The following BRINP1 variants were observed in gnomAD, a reference collection of about 807,000 sequenced individuals.
BRINP1 encodes BMP/retinoic acid-inducible neural-specific protein 1.
BRINP1 carries 17 observed loss-of-function variants against 72.9 expected under a neutral mutation model. The ratio of observed to expected loss-of-function variants is 0.23; its 90% CI spans 0.16 to 0.35. BRINP1 has a LOEUF of 0.35. Ranked by LOEUF, BRINP1 falls within the 10% of genes least tolerant of loss-of-function variation. The pLI, the probability that BRINP1 is intolerant of heterozygous loss-of-function variation, is 1.00. For synonymous variants in BRINP1, 418 were observed against 378.5 expected (o/e 1.10, Z -1.21); for missense variants, 850 against 1,001.6 (o/e 0.85, Z 2.04).
At chr9:119,300,323 T>C (rs898557598) in intron 2 of BRINP1, among the ~76,000 whole-genome samples, 46 of 152,144 alleles carry the variant, frequency 3.0e-4, no homozygotes, top group African/African-American at 8.0e-4. Context: ...AAAGTGACTA[T>C]AGTAAAAAAT....
chr9:119,169,947 A>C (rs1231121665), intron 7 of BRINP1, among the ~76,000 whole-genome samples: 5 of 152,204 alleles, frequency 3.3e-5, no homozygotes, highest in Non-Finnish European at 5.9e-5. Context: ...AAACTAACAA[A>C]CAGAAAGGAC....
At chr9:119,344,819 G>A (rs757480185) in intron 1 of BRINP1, among the ~76,000 whole-genome samples, 1 of 152,164 alleles carries the variant, frequency 6.6e-6, no homozygotes, top group Non-Finnish European at 1.5e-5. Context: ...GCTCATGCCT[G>A]ATATCTTTTT....
At chr9:119,307,529 T>G (rs1225678664) in intron 2 of BRINP1, among the ~76,000 whole-genome samples, 1 of 152,136 alleles carries the variant, frequency 6.6e-6, no homozygotes, top group Non-Finnish European at 1.5e-5. Context: ...CTGATAATTT[T>G]TTTCCATCAC....
intron 2 of BRINP1, among the ~76,000 whole-genome samples, chr9:119,277,227 C>G (rs1830665921): frequency 6.6e-6 from 1 of 152,144 alleles, no homozygotes; most frequent in South Asian, 2.1e-4. Flanking sequence ...TTGAAGTTTT[C>G]TGTCTTTATT....
intron 1 of BRINP1, among the ~76,000 whole-genome samples, chr9:119,330,592 T>C (rs1291207692): frequency 6.6e-6 from 1 of 152,230 alleles, no homozygotes; most frequent in Non-Finnish European, 1.5e-5. Context: ...TTTATGTTTC[T>C]GAGACTGAAT....
At chr9:119,292,004 G>A (rs1191689580) in intron 2 of BRINP1, among the ~76,000 whole-genome samples, 5 of 152,022 alleles carry the variant, frequency 3.3e-5, no homozygotes, top group South Asian at 2.1e-4. Flanking sequence ...CTTTATTCCC[G>A]GAGTCAGAAA....
At chr9:119,365,705 GT>G (rs1197500922) in intron 1 of BRINP1, among the ~76,000 whole-genome samples, 1 of 152,148 alleles carries the variant, frequency 6.6e-6, no homozygotes, top group Non-Finnish European at 1.5e-5. Flanking sequence ...AGGGGAGGGT[GT>G]TTTTACAATT....
chr9:119,253,130 AG>A (rs1830410569), intron 2 of BRINP1, among the ~76,000 whole-genome samples: 1 of 152,170 alleles, frequency 6.6e-6, no homozygotes, highest in Admixed American at 6.5e-5. Flanking sequence ...TTTTATCCCA[AG>A]GAATTGGTCC....
chr9:119,180,933 T>C (rs1024981995), intron 7 of BRINP1, among the ~76,000 whole-genome samples: 12 of 152,144 alleles, frequency 7.9e-5, no homozygotes, highest in Admixed American at 5.9e-4. Flanking sequence ...AGAGCATCAA[T>C]GTAAAAAATC....
At chr9:119,294,851 G>GT (rs1217592727) in intron 2 of BRINP1, among the ~76,000 whole-genome samples, 1 of 69,756 alleles carries the variant, frequency 1.4e-5, no homozygotes, top group African/African-American at 4.2e-5. Context: ...GTGACACTAC[G>GT]TTAAAAAAAA....
At chr9:119,212,846 A>G (rs1829943372) in intron 6 of BRINP1, among the ~76,000 whole-genome samples, 1 of 152,204 alleles carries the variant, frequency 6.6e-6, no homozygotes. Context: ...TTCTAGCTCA[A>G]TGAAAGATAT....
At chr9:119,352,649 C>T (rs931002820) in intron 1 of BRINP1, among the ~76,000 whole-genome samples, 3 of 152,150 alleles carry the variant, frequency 2.0e-5, no homozygotes, top group Non-Finnish European at 4.4e-5. Flanking sequence ...CTCAGGTGAT[C>T]CACCCACCTT....
intron 7 of BRINP1, among the ~76,000 whole-genome samples, chr9:119,195,446 C>T (rs945223432): frequency 6.6e-6 from 1 of 152,172 alleles, no homozygotes; most frequent in African/African-American, 2.4e-5. Flanking sequence ...CCTTTGTAAA[C>T]GGGGAGGCCG....
In BRINP1 at chr9:119,369,261, C is replaced by T. The variant is rs1831729290; in HGVS notation, c.-256G>A. On this transcript the variant is annotated 5_prime_UTR_variant, in exon 1 of 8. Coordinates refer to ENST00000265922, the MANE Select transcript of BRINP1 (RefSeq NM_014618.3). ...TGGTCCCGAGGACAGGCATGAATCC[C>T]GGCTCCGGAAGGCGGTCACTACTCC... 2.5e-6 allele frequency: 1 copy of T among 398,796 alleles called. No individual in the cohort carries two copies. Among genetic ancestry groups the T allele is most frequent in the East Asian group, 3.6e-5 (1 of 28,060 alleles). 24.7% of individuals were successfully genotyped at this position (398,796 alleles called of 1,614,324 possible).
chr9:119,183,326 C>G (rs1405426524), intron 7 of BRINP1, among the ~76,000 whole-genome samples: 2 of 151,918 alleles, frequency 1.3e-5, no homozygotes, highest in Admixed American at 1.3e-4. Context: ...CACAACTACA[C>G]AAAACAAAAC....
At chr9:119,176,259 T>C (rs924018144) in intron 7 of BRINP1, among the ~76,000 whole-genome samples, 9 of 152,242 alleles carry the variant, frequency 5.9e-5, no homozygotes, top group Admixed American at 5.9e-4. Flanking sequence ...AGAGCACCTT[T>C]CCTAAGGCTG....
chr9:119,338,211 T>G (rs907112092), intron 1 of BRINP1, among the ~76,000 whole-genome samples: 2 of 151,892 alleles, frequency 1.3e-5, no homozygotes, highest in African/African-American at 4.8e-5. Context: ...GTTTCTGGTA[T>G]TCAGATTATG....
intron 5 of BRINP1, among the ~76,000 whole-genome samples, chr9:119,230,726 G>A (rs1830141974): frequency 6.6e-6 from 1 of 151,992 alleles, no homozygotes; most frequent in African/African-American, 2.4e-5. Context: ...GAAAAAAGAG[G>A]AGGATGAAGA....
chr9:119,167,555 G>A lies in BRINP1; in HGVS notation c.1815C>T (p.Gly605=), dbSNP rs1336039741. 1 of 1,614,014 alleles carries A rather than the reference G, an allele frequency of 6.2e-7. No homozygotes were observed. The highest frequency in any genetic ancestry group is 1.7e-5 in the Admixed American group (1 of 59,992). The part of the protein sequence containing the change: ...SQCYNWTLLL[G]NRWKTFFETV... ...TCTCGAAAAATGTTTTCCACCGATTGCCCAGCAAAAGAGTCCAGTTGTAGC... is the reference window on the plus strand; with the variant it reads ...TCTCGAAAAATGTTTTCCACCGATTACCCAGCAAAAGAGTCCAGTTGTAGC... The change falls in exon 8 of 8, where the codon GGC becomes GGT. Residue 605 remains glycine (G), a synonymous_variant. Transcript: ENST00000265922. This position sits in a 1 kb window ranked among gnomAD's most constrained non-coding sequence, Gnocchi z 4.3.
Sources: allele counts gnomAD v4.1 joint callset (sites outside exome capture counted in the v4.1 genomes callset), GRCh38; gene constraint gnomAD v4.1.1; non-coding constraint Gnocchi (gnomAD v3.1); transcripts MANE v1.5; gene names NCBI Gene and HGNC (gene_info 2026-07-23, HGNC 2026-07-21).